The following LRMDA variants were observed in gnomAD, a reference collection of about 807,000 sequenced individuals.
LRMDA encodes the protein leucine-rich melanocyte differentiation-associated protein.
A neutral mutation model predicts 29.8 loss-of-function variants in LRMDA; 18 were observed. The ratio of observed to expected loss-of-function variants is 0.60; its 90% CI spans 0.42 to 0.90. The LOEUF is 0.90. Among genes scored for constraint, LRMDA ranks in the 40% least tolerant of loss-of-function variants. The pLI, the probability that LRMDA is intolerant of heterozygous loss-of-function variation, is 0.00. For synonymous variants in LRMDA, 125 were observed against 109.4 expected (o/e 1.14, Z -0.89); for missense variants, 273 against 273.9 (o/e 1.00, Z 0.02).
At chr10:75,805,175 T>C (rs920408976) in intron 2 of LRMDA, among the ~76,000 whole-genome samples, 19 of 152,182 alleles carry the variant, frequency 1.2e-4, no homozygotes, top group African/African-American at 4.6e-4. Context: ...CATAGACTAG[T>C]GTGTTCTCCA....
chr10:76,285,002 G>A (rs979390440), intron 5 of LRMDA, among the ~76,000 whole-genome samples: 3 of 152,126 alleles, frequency 2.0e-5, no homozygotes, highest in African/African-American at 7.2e-5. Context: ...TTTGTTAGCA[G>A]TATGAGAATA....
intron 2 of LRMDA, among the ~76,000 whole-genome samples, chr10:75,987,865 T>C (rs1442007021): frequency 6.6e-6 from 1 of 152,230 alleles, no homozygotes; most frequent in Non-Finnish European, 1.5e-5. Context: ...TGCTGAGTCA[T>C]AATTTCCTTC....
chr10:75,565,149 T>A (rs1041450748), intron 2 of LRMDA, among the ~76,000 whole-genome samples: 4 of 152,166 alleles, frequency 2.6e-5, no homozygotes, highest in African/African-American at 9.7e-5. Context: ...GATGGGGAGA[T>A]TCTCTATGCC....
chr10:75,963,640 T>C (rs892097960), intron 2 of LRMDA, among the ~76,000 whole-genome samples: 1 of 152,236 alleles, frequency 6.6e-6, no homozygotes, highest in African/African-American at 2.4e-5. Flanking sequence ...TTGGTGAATC[T>C]GGGAAGGTTA....
At position 75,643,434 on chromosome 10, in the gene LRMDA, G is replaced by A. The variant is rs571322985; in HGVS notation, c.131+204940G>A. 4.6e-5 allele frequency among the ~76,000 whole-genome samples: 7 copies of A among 152,294 alleles called. No homozygotes were observed. In the South Asian group the frequency reaches 1.4e-3, roughly 32 times the overall value. Reference sequence around the variant, plus strand: ...GCGCAAGTGTTCCGGGGAATGAGATGGAAGCTACATCCCTTTATGGTCCAG... The same window carrying A: ...GCGCAAGTGTTCCGGGGAATGAGATAGAAGCTACATCCCTTTATGGTCCAG... On this transcript the variant is annotated intron_variant, in intron 2 of 6. Transcript: ENST00000611255.
At chr10:76,114,796 C>G (rs866814710) in intron 5 of LRMDA, among the ~76,000 whole-genome samples, 1 of 152,170 alleles carries the variant, frequency 6.6e-6, no homozygotes, top group South Asian at 2.1e-4. Flanking sequence ...TAAGGCGCTG[C>G]AAAAGTCAAC....
At chr10:75,665,888 C>T (rs1001255581) in intron 2 of LRMDA, among the ~76,000 whole-genome samples, 10 of 152,116 alleles carry the variant, frequency 6.6e-5, no homozygotes, top group African/African-American at 2.2e-4. Flanking sequence ...GCAATTGTTT[C>T]TTGTCCTGTG....
At chr10:75,748,119 G>C in intron 2 of LRMDA, among the ~76,000 whole-genome samples, 1 of 151,738 alleles carries the variant, frequency 6.6e-6, no homozygotes, top group Non-Finnish European at 1.5e-5. Flanking sequence ...TCCAGACAGA[G>C]TTCTGCTCTT....
At chr10:75,503,811 G>A (rs1323857714) in intron 2 of LRMDA, among the ~76,000 whole-genome samples, 1 of 152,084 alleles carries the variant, frequency 6.6e-6, no homozygotes, top group Non-Finnish European at 1.5e-5. Context: ...GAACCTGAGA[G>A]AGGGAGAACA....
chr10:75,718,877 A>G (rs1842532918), intron 2 of LRMDA, among the ~76,000 whole-genome samples: 1 of 152,218 alleles, frequency 6.6e-6, no homozygotes, highest in Non-Finnish European at 1.5e-5. Context: ...TGTTGTAGAT[A>G]CAAAGGATAA....
At chr10:76,516,199 G>A (rs1843059395) in intron 6 of LRMDA, among the ~76,000 whole-genome samples, 1 of 152,132 alleles carries the variant, frequency 6.6e-6, no homozygotes, top group Admixed American at 6.5e-5. Flanking sequence ...TCTCACATAA[G>A]AGTTAGCAAA....
intron 2 of LRMDA, among the ~76,000 whole-genome samples, chr10:75,659,705 G>A (rs1008956922): frequency 5.9e-5 from 9 of 152,214 alleles, no homozygotes; most frequent in Non-Finnish European, 1.3e-4. Context: ...AGTAAGTTCT[G>A]AGGATCTAAT....
chr10:75,985,036 C>T (rs1054736844), intron 2 of LRMDA, among the ~76,000 whole-genome samples: 2 of 152,220 alleles, frequency 1.3e-5, no homozygotes, highest in South Asian at 2.1e-4. Context: ...CTCCTTGTCT[C>T]CCAGATGAGG....
At chr10:75,685,730 C>CTAT (rs1365302653) in intron 2 of LRMDA, among the ~76,000 whole-genome samples, 23 of 152,114 alleles carry the variant, frequency 1.5e-4, no homozygotes, top group African/African-American at 5.3e-4. Context: ...TGCAGTGGAT[C>CTAT]TATTGTTCAG....
At chr10:76,329,590 AT>A (rs1393484932) in intron 6 of LRMDA, among the ~76,000 whole-genome samples, 2 of 152,206 alleles carry the variant, frequency 1.3e-5, no homozygotes, top group Non-Finnish European at 2.9e-5. Context: ...TCTTGCCATT[AT>A]TTTTATTGAC....
intron 6 of LRMDA, among the ~76,000 whole-genome samples, chr10:76,485,873 GC>G: frequency 6.6e-6 from 1 of 151,864 alleles, no homozygotes; most frequent in East Asian, 2.0e-4. Context: ...TCTATTAGAA[GC>G]TTTAGTTTGG....
chr10:75,536,388 G>A (rs1168538364), intron 2 of LRMDA, among the ~76,000 whole-genome samples: 3 of 152,084 alleles, frequency 2.0e-5, no homozygotes, highest in Non-Finnish European at 4.4e-5. Context: ...CCTCCATCAA[G>A]TCCCAGCCTC....
At chr10:76,277,713 T>C (rs1840152981) in intron 5 of LRMDA, among the ~76,000 whole-genome samples, 2 of 152,328 alleles carry the variant, frequency 1.3e-5, no homozygotes, top group South Asian at 2.1e-4. Context: ...CCACCTCTCA[T>C]AATATGAGCT....
chr10:76,448,788 C>T (rs1842377834), intron 6 of LRMDA, among the ~76,000 whole-genome samples: 1 of 151,234 alleles, frequency 6.6e-6, no homozygotes, highest in South Asian at 2.1e-4. Context: ...TATTTTATGA[C>T]TCTTTAGGCT....
Sources: allele counts gnomAD v4.1 joint callset (sites outside exome capture counted in the v4.1 genomes callset), GRCh38; gene constraint gnomAD v4.1.1; transcripts MANE v1.5; gene names NCBI Gene and HGNC (gene_info 2026-07-23, HGNC 2026-07-21).